The following GALNT1 variants were observed in gnomAD, a reference collection of about 807,000 sequenced individuals.
The protein encoded by GALNT1 is polypeptide N-acetylgalactosaminyltransferase 1, also known as GalNAc transferase 1.
A neutral mutation model predicts 65.7 loss-of-function variants in GALNT1; 17 were observed. The observed-to-expected ratio is 0.26, with a 90% CI of 0.18 to 0.39. The LOEUF (loss-of-function observed/expected upper bound fraction) is 0.39, where lower values mean the gene tolerates loss of function less well. Ranked by LOEUF, GALNT1 falls within the 10% of genes least tolerant of loss-of-function variation. GALNT1 has a pLI of 1.00. For synonymous variants in GALNT1, 210 were observed against 219.7 expected (o/e 0.96, Z 0.39); for missense variants, 460 against 672.8 (o/e 0.68, Z 3.50).
chr18:35,701,143 C>CTT (rs1200145571), intron 9 of GALNT1, among the ~76,000 whole-genome samples: 1 of 151,866 alleles, frequency 6.6e-6, no homozygotes, highest in Non-Finnish European at 1.5e-5. Context: ...ACAATTATAG[C>CTT]TTACTGCAGC....
intron 1 of GALNT1, among the ~76,000 whole-genome samples, chr18:35,616,770 TCTC>T (rs1483187470): frequency 6.6e-6 from 1 of 152,110 alleles, no homozygotes; most frequent in Non-Finnish European, 1.5e-5. Flanking sequence ...TTCAGAGCTC[TCTC>T]CTCCTTTGTA....
intron 1 of GALNT1, among the ~76,000 whole-genome samples, chr18:35,604,992 G>T (rs2046628445): frequency 1.3e-5 from 2 of 152,178 alleles, no homozygotes; most frequent in African/African-American, 2.4e-5. Flanking sequence ...CCCTGAATAA[G>T]CTATAATTTA....
intron 3 of GALNT1, among the ~76,000 whole-genome samples, chr18:35,668,896 G>A (rs2047587427): frequency 6.6e-6 from 1 of 152,146 alleles, no homozygotes; most frequent in South Asian, 2.1e-4. Context: ...ATTGACATCA[G>A]AGAAAAGAAA....
intron 1 of GALNT1, among the ~76,000 whole-genome samples, chr18:35,598,774 A>C (rs1396188185): frequency 6.6e-6 from 1 of 151,974 alleles, no homozygotes; most frequent in Non-Finnish European, 1.5e-5. Context: ...ATCATATGGT[A>C]CTTCTGTTTT....
chr18:35,697,258 A>G (rs1422771727), intron 9 of GALNT1, among the ~76,000 whole-genome samples: 1 of 152,186 alleles, frequency 6.6e-6, no homozygotes, highest in Non-Finnish European at 1.5e-5. Flanking sequence ...TCCCTGCTTT[A>G]CCAATGAGAA....
At chr18:35,632,817 T>C (rs1387340094) in intron 1 of GALNT1, among the ~76,000 whole-genome samples, 2 of 152,164 alleles carry the variant, frequency 1.3e-5, no homozygotes, top group Admixed American at 6.5e-5. Flanking sequence ...AAAGGGCTAA[T>C]ATCCAGAATC....
At chr18:35,633,618 C>T (rs1334806424) in intron 1 of GALNT1, among the ~76,000 whole-genome samples, 2 of 151,992 alleles carry the variant, frequency 1.3e-5, no homozygotes, top group African/African-American at 4.8e-5. Flanking sequence ...AGGTGCAGCA[C>T]ACCAACATGG....
Position 35,710,465 on chromosome 18 carries a change from A to G in GALNT1, c.*695A>G, listed in dbSNP as rs1598816187. 6.6e-6 allele frequency: 1 copy of G among 151,862 alleles called. No individual in the cohort carries two copies. The highest frequency in any genetic ancestry group is 2.4e-5 in the African/African-American group (1 of 41,310). The allele number at this position is 151,862 out of a possible 1,614,324, so 9.4% of individuals were successfully genotyped here. A position where few individuals can be genotyped will look rare whatever the true frequency, so the allele number is the denominator to read the frequency against. On this transcript the variant is annotated 3_prime_UTR_variant, in exon 12 of 12. Coordinates refer to ENST00000269195, the MANE Select transcript of GALNT1 (RefSeq NM_020474.4). Reference sequence around the variant, plus strand: ...CTTTTATTTTCCTTGGGGTGCTGAAATTGAGCTGAAAAAAAAAGGCTCTTT... The same window carrying G: ...CTTTTATTTTCCTTGGGGTGCTGAAGTTGAGCTGAAAAAAAAAGGCTCTTT...
intron 1 of GALNT1, among the ~76,000 whole-genome samples, chr18:35,604,552 C>G (rs2046623298): frequency 6.6e-6 from 1 of 152,284 alleles, no homozygotes; most frequent in Non-Finnish European, 1.5e-5. Flanking sequence ...TAAGCATTTC[C>G]TTTTCCCTAC....
intron 2 of GALNT1, among the ~76,000 whole-genome samples, chr18:35,657,925 G>T (rs569335786): frequency 2.6e-5 from 4 of 152,258 alleles, no homozygotes; most frequent in Non-Finnish European, 5.9e-5. Flanking sequence ...TCAGGAAGAG[G>T]TTTAAACTAT....
chr18:35,642,990 C>T (rs2047184857), intron 1 of GALNT1, among the ~76,000 whole-genome samples: 1 of 151,936 alleles, frequency 6.6e-6, no homozygotes, highest in Non-Finnish European at 1.5e-5. Context: ...AGTCCTAGAG[C>T]ACAGCCTTCC....
At chr18:35,642,058 A>G (rs1191457076) in intron 1 of GALNT1, among the ~76,000 whole-genome samples, 1 of 152,220 alleles carries the variant, frequency 6.6e-6, no homozygotes, top group Non-Finnish European at 1.5e-5. Context: ...GTTGCAACAG[A>G]CATTGCATGA....
At position 35,663,714 on chromosome 18, in the gene GALNT1, A is replaced by ATCAGTTCAATTTAATCAATTT; in HGVS notation, c.226_227insTCAGTTCAATTTAATCAATTT (p.Lys76delinsIleSerSerIleTer). 1 of 1,614,056 alleles carries ATCAGTTCAATTTAATCAATTT rather than the reference A, an allele frequency of 6.2e-7. No individual in the cohort carries two copies. The highest frequency in any genetic ancestry group is 8.5e-7 in the Non-Finnish European group (1 of 1,179,930). On this transcript the variant is annotated stop_gained and protein_altering_variant, in exon 3 of 12. Transcript: ENST00000269195. LOFTEE classifies it high-confidence loss of function. ...TCCTAAAGAGGATCAAGAAAAGATG[A>ATCAGTTCAATTTAATCAATTT]AAGAGATGTTTAAAATCAATCAGTT...
rs575163641 is a variant in GALNT1 at position 35,652,492 on chromosome 18, G to T, written c.-103-2068G>T. Among the ~76,000 whole-genome samples, 3 of 152,176 alleles carry T rather than the reference G, an allele frequency of 2.0e-5. No homozygotes were observed. The South Asian group carries it at 6.2e-4, about 32-fold the overall frequency. On this transcript the variant is annotated intron_variant, in intron 1 of 11. Transcript: ENST00000269195. ...TCTGCCAACCCCAGCTGCTGCTTGT[G>T]TATGTATGCCTAACAAACCTGCCTT... is the stretch of plus-strand genomic sequence containing the variant.
intron 3 of GALNT1, among the ~76,000 whole-genome samples, chr18:35,667,571 A>G (rs529798180): frequency 6.6e-6 from 1 of 152,330 alleles, no homozygotes; most frequent in East Asian, 1.9e-4. Context: ...TATGACATAT[A>G]TATTTCTTTT....
chr18:35,637,178 G>A (rs150678443), intron 1 of GALNT1, among the ~76,000 whole-genome samples: 105 of 152,082 alleles, frequency 6.9e-4, no homozygotes, highest in African/African-American at 2.1e-3. Context: ...TTGAAAGGAT[G>A]CAAATTAATA....
chr18:35,692,182 T>C lies in GALNT1; in HGVS notation c.1161T>C (p.Gly387=). The part of the protein sequence containing the change: ...FKNFFYIISP[G]VTKVDYGDIS... Reference sequence around the variant, plus strand: ...AGAGTCAATTATTTCTTTCAACAGGTGTTACAAAGGTAGATTATGGAGATA... The same window carrying C: ...AGAGTCAATTATTTCTTTCAACAGGCGTTACAAAGGTAGATTATGGAGATA... The change falls in exon 9 of 12, where the codon GGT becomes GGC. Residue 387 remains glycine (G), a splice_region_variant and synonymous_variant. Coordinates refer to ENST00000269195, the MANE Select transcript of GALNT1 (RefSeq NM_020474.4). The C allele has an allele frequency of 6.2e-7, 1 of 1,605,350 alleles. No individual in the cohort carries two copies. Among genetic ancestry groups the C allele is most frequent in the Non-Finnish European group, 8.5e-7 (1 of 1,176,118 alleles).
chr18:35,655,328 T>C (rs2047367739), intron 2 of GALNT1, among the ~76,000 whole-genome samples: 1 of 150,442 alleles, frequency 6.6e-6, no homozygotes, highest in African/African-American at 2.5e-5. Flanking sequence ...GGTGATAGAA[T>C]AGAGGCTGCA....
At position 35,627,101 on chromosome 18, in the gene GALNT1, G is replaced by C. The variant is rs186247085; in HGVS notation, c.-103-27459G>C. On this transcript the variant is annotated intron_variant, in intron 1 of 11. Transcript: ENST00000269195. ...TAAGGAACAAACAGTGTCTCCCACA[G>C]TGCTGTGTAGGTGTCTTTGGCCTTC... Among the ~76,000 whole-genome samples the C allele has an allele frequency of 9.4e-4, 143 of 152,366 alleles. 1 individual carries two copies. The highest frequency in any genetic ancestry group is 3.0e-3 in the African/African-American group (124 of 41,588).
Sources: allele counts gnomAD v4.1 joint callset (sites outside exome capture counted in the v4.1 genomes callset), GRCh38; gene constraint gnomAD v4.1.1; transcripts MANE v1.5; gene names NCBI Gene and HGNC (gene_info 2026-07-23, HGNC 2026-07-21).